NTM: variants seen among roughly 807,000 people sequenced by gnomAD.
NTM encodes neurotrimin.
Under a neutral mutation model 42.1 loss-of-function variants are expected in NTM, and 13 were observed. The observed-to-expected ratio is 0.31, with a 90% CI of 0.20 to 0.49. The LOEUF (loss-of-function observed/expected upper bound fraction) is 0.49, where lower values mean the gene tolerates loss of function less well. Among genes scored for constraint, NTM ranks in the 20% least tolerant of loss-of-function variants. The probability of loss-of-function intolerance (pLI) is 0.99; values close to 1 mark genes in which losing one functional copy is unlikely to be tolerated. For missense variants in NTM, 373 were observed against 452.8 expected, an observed-to-expected ratio of 0.82 and a Z score of 1.60; for synonymous variants, 187 against 179.2, an observed-to-expected ratio of 1.04 and a Z score of -0.35.
At chr11:131,745,507 C>G (rs1027542159) in intron 1 of NTM, among the ~76,000 whole-genome samples, 2 of 152,276 alleles carry the variant, frequency 1.3e-5, no homozygotes, top group East Asian at 3.9e-4. Context: ...GTACAGCTTT[C>G]GGCCCCATCA....
chr11:132,087,918 G>A (rs944416495), intron 2 of NTM, among the ~76,000 whole-genome samples: 24 of 152,340 alleles, frequency 1.6e-4, no homozygotes, highest in Admixed American at 1.2e-3. Context: ...CTGGCCAGCC[G>A]GCTGCACAGG....
chr11:132,181,198 A>G (rs1050787793), intron 3 of NTM, among the ~76,000 whole-genome samples: 2 of 152,022 alleles, frequency 1.3e-5, no homozygotes, highest in Non-Finnish European at 2.9e-5. Flanking sequence ...CCCAACTCTC[A>G]CCACTCCATC....
At chr11:131,423,158 C>A (rs1235102127) in intron 1 of NTM, among the ~76,000 whole-genome samples, 1 of 152,158 alleles carries the variant, frequency 6.6e-6, no homozygotes, top group African/African-American at 2.4e-5. Flanking sequence ...TATACATATG[C>A]ATATTATAGC....
chr11:131,789,605 A>AAGGAGG (rs1303320721), intron 1 of NTM, among the ~76,000 whole-genome samples: 1 of 75,576 alleles, frequency 1.3e-5, no homozygotes, highest in Non-Finnish European at 2.6e-5. Flanking sequence ...GAAGAAGAAG[A>AAGGAGG]AGAAGAAGAA....
At chr11:131,436,300 C>T (rs1434260099) in intron 1 of NTM, among the ~76,000 whole-genome samples, 1 of 150,896 alleles carries the variant, frequency 6.6e-6, no homozygotes, top group Non-Finnish European at 1.5e-5. Flanking sequence ...ATGCTGGCCT[C>T]ATGAGTTAGG....
chr11:131,701,852 T>A (rs1848083), intron 1 of NTM, among the ~76,000 whole-genome samples: 30,572 of 152,038 alleles, frequency 0.2, 3,358 homozygotes, highest in African/African-American at 0.27. Flanking sequence ...TGTGTCATGG[T>A]TGGACCCCAG....
At chr11:132,169,970 C>T (rs563554915) in intron 3 of NTM, among the ~76,000 whole-genome samples, 1 of 152,240 alleles carries the variant, frequency 6.6e-6, no homozygotes, top group Admixed American at 6.5e-5. Context: ...CTAGCAGAGC[C>T]TCTGTTTAGG....
At chr11:131,528,199 G>A (rs1362495423) in intron 1 of NTM, among the ~76,000 whole-genome samples, 1 of 152,154 alleles carries the variant, frequency 6.6e-6, no homozygotes, top group Non-Finnish European at 1.5e-5. Context: ...CTTCCCCAAA[G>A]TTCTGTTATC....
intron 1 of NTM, among the ~76,000 whole-genome samples, chr11:131,707,850 G>T (rs1046180488): frequency 2.6e-5 from 4 of 152,038 alleles, no homozygotes; most frequent in South Asian, 2.1e-4. Context: ...TTCCTCTAAG[G>T]TCGTGAATAA....
intron 1 of NTM, among the ~76,000 whole-genome samples, chr11:131,842,521 A>G (rs922539043): frequency 6.6e-6 from 1 of 152,150 alleles, no homozygotes; most frequent in African/African-American, 2.4e-5. Context: ...GTGTCCACAA[A>G]TCTGCTGACT....
rs111978241 is a variant in NTM, at chr11:131,774,430, C to T, written c.83-137134C>T. Reference sequence around the variant, plus strand: ...AAAATCACTGTCAAAAGTCCCTTTGCCATAATTCTTTTTGGTAAAATAGTA... The same window carrying T: ...AAAATCACTGTCAAAAGTCCCTTTGTCATAATTCTTTTTGGTAAAATAGTA... On this transcript the variant is annotated intron_variant, in intron 1 of 8. Transcript: ENST00000683400. Among the ~76,000 whole-genome samples, 734 of 152,240 alleles carry T rather than the reference C, an allele frequency of 4.8e-3. 11 individuals carry two copies. Among genetic ancestry groups the T allele is most frequent in the African/African-American group, 0.017 (702 of 41,542 alleles).
At chr11:131,733,834 G>A (rs1033023522) in intron 1 of NTM, among the ~76,000 whole-genome samples, 3 of 152,048 alleles carry the variant, frequency 2.0e-5, no homozygotes, top group Admixed American at 6.6e-5. Context: ...CATTGTGCCC[G>A]ACCTGAAATG....
At chr11:131,767,998 G>A (rs566748376) in intron 1 of NTM, among the ~76,000 whole-genome samples, 5 of 152,186 alleles carry the variant, frequency 3.3e-5, no homozygotes, top group African/African-American at 1.2e-4. Flanking sequence ...GGTGTCCATG[G>A]ATCAGGCTAT....
chr11:131,403,896 A>C (rs547344237), intron 1 of NTM, among the ~76,000 whole-genome samples: 1 of 152,166 alleles, frequency 6.6e-6, no homozygotes, highest in Non-Finnish European at 1.5e-5. Context: ...TTAGAGTTCA[A>C]CATCTCAATT....
At chr11:131,523,911 G>A (rs2136594760) in intron 1 of NTM, among the ~76,000 whole-genome samples, 1 of 152,194 alleles carries the variant, frequency 6.6e-6, no homozygotes, top group East Asian at 1.9e-4. Flanking sequence ...GGTGGGGAGA[G>A]TAAGATGCTG....
rs374264677 is a variant in NTM, at chr11:131,999,572, C to T, written c.167+87924C>T. Reference sequence around the variant, plus strand: ...CAGAGTCATGGCTGGTAGATGCTCCCTTCCTTCCAGAGCAGGGAGGAAAAG... The same window carrying T: ...CAGAGTCATGGCTGGTAGATGCTCCTTTCCTTCCAGAGCAGGGAGGAAAAG... On this transcript the variant is annotated intron_variant, in intron 2 of 8. Coordinates refer to ENST00000683400, the MANE Select transcript of NTM (RefSeq NM_001352005.2). 2.0e-4 allele frequency among the ~76,000 whole-genome samples: 31 copies of T among 152,308 alleles called. No individual in the cohort carries two copies. The South Asian group carries it at 4.8e-3, about 23-fold the overall frequency.
chr11:131,435,637 G>A (rs1949061526), intron 1 of NTM, among the ~76,000 whole-genome samples: 1 of 152,168 alleles, frequency 6.6e-6, no homozygotes, highest in Admixed American at 6.5e-5. Context: ...CATTGATTTT[G>A]TATCCTGAGA....
In NTM at chr11:131,690,016, A is replaced by G. The variant is rs545231853; in HGVS notation, c.83-221548A>G. Among the ~76,000 whole-genome samples, 169 of 152,338 alleles carry G rather than the reference A, an allele frequency of 1.1e-3. 1 individual carries two copies. The highest frequency in any genetic ancestry group is 3.8e-3 in the African/African-American group (160 of 41,584). ...GAGAGGACATGAACCTGGTGGTCTC[A>G]CAGGCAGAGACCCATGTTGCTGAAT... On this transcript the variant is annotated intron_variant, in intron 1 of 8. Coordinates refer to ENST00000683400, the MANE Select transcript of NTM (RefSeq NM_001352005.2).
chr11:131,795,283 G>A (rs2091433400), intron 1 of NTM: 1 of 529,602 alleles, frequency 1.9e-6, no homozygotes, highest in African/African-American at 2.1e-5. Flanking sequence ...TTATAGGGTT[G>A]TTGTTAGGAT....
Sources: gnomAD v4.1 joint callset for allele counts (sites outside exome capture counted in the v4.1 genomes callset) on GRCh38, gnomAD v4.1.1 for gene constraint, MANE v1.5 for transcripts, NCBI Gene and HGNC (gene_info 2026-07-23, HGNC 2026-07-21) for gene names.